CCT4: variants seen among roughly 807,000 people sequenced by gnomAD.
CCT4 encodes chaperonin containing TCP1 subunit 4.
Under a neutral mutation model 62.5 loss-of-function variants are expected in CCT4, and 17 were observed. That is an observed-to-expected ratio of 0.27 (90% CI 0.19 to 0.41). The LOEUF is 0.41. Among genes scored for constraint, CCT4 ranks in the 10% least tolerant of loss-of-function variants. The pLI is 1.00. For missense variants in CCT4, 592 were observed against 659.2 expected, an observed-to-expected ratio of 0.90 and a Z score of 1.12; for synonymous variants, 250 against 229.9, an observed-to-expected ratio of 1.09 and a Z score of -0.79.
chr2:61,872,845 T>A (rs981803114), intron 10 of CCT4, among the ~76,000 whole-genome samples, 157 bp downstream of exon 10: 1 of 152,130 alleles, frequency 6.6e-6, no homozygotes, highest in Admixed American at 6.6e-5. Flanking sequence ...GAGAATGGCA[T>A]GAACCCGGGA....
intron 8 of CCT4, among the ~76,000 whole-genome samples, chr2:61,873,979 C>T (rs1012090145): frequency 2.0e-5 from 3 of 152,176 alleles, no homozygotes; most frequent in African/African-American, 7.2e-5. Context: ...GGATTACAGG[C>T]ATGAGCCACT....
Position 61,877,452 on chromosome 2 carries a change from A to T in CCT4, c.585T>A (p.Ile195=). The T allele has an allele frequency of 6.2e-7, 1 of 1,611,242 alleles. No homozygotes were observed. The highest frequency in any genetic ancestry group is 8.5e-7 in the Non-Finnish European group (1 of 1,177,644). ...PMSVNAVMKV[I]DPATATSVDL... ...CTACACTGGTGGCTGTGGCTGGGTC[A>T]ATCACTTTCATCACTGCATTTACAC... Residue 195 remains isoleucine (I), a synonymous_variant, in exon 6 of 14, where the codon ATT becomes ATA. Coordinates refer to ENST00000394440, the MANE Select transcript of CCT4 (RefSeq NM_006430.4).
chr2:61,879,903 T>A (rs1669077061), intron 4 of CCT4, among the ~76,000 whole-genome samples: 1 of 151,992 alleles, frequency 6.6e-6, no homozygotes, highest in South Asian at 2.1e-4. Context: ...GCTAATTTTT[T>A]GTATTTAGTA....
At chr2:61,885,428 T>G (rs1669228861) in intron 1 of CCT4, among the ~76,000 whole-genome samples, 1 of 152,114 alleles carries the variant, frequency 6.6e-6, no homozygotes, top group East Asian at 1.9e-4. Flanking sequence ...TTATTATTTT[T>G]TGAGACATGG....
chr2:61,878,600 A>G (rs1669048130), intron 5 of CCT4, among the ~76,000 whole-genome samples: 1 of 152,228 alleles, frequency 6.6e-6, no homozygotes, highest in Admixed American at 6.5e-5. Flanking sequence ...TCTTATAGGC[A>G]AATTAAAATA....
intron 13 of CCT4, 124 bp from the exon 14 acceptor site, chr2:61,868,830 A>C: frequency 1.4e-6 from 1 of 733,276 alleles, no homozygotes; most frequent in South Asian, 1.5e-5. Context: ...GATGACTAGC[A>C]AATATTTATC....
chr2:61,883,568 G>C lies in CCT4; in HGVS notation c.181-20C>G. ...TTGAATCTAGAAAAAAAATTTTAAAGTTATATTTCAATGTCACACCTTAAT... is the reference window on the plus strand; with the variant it reads ...TTGAATCTAGAAAAAAAATTTTAAACTTATATTTCAATGTCACACCTTAAT... On this transcript the variant is annotated intron_variant, in intron 2 of 13. Coordinates refer to ENST00000394440, the MANE Select transcript of CCT4 (RefSeq NM_006430.4). The C allele has an allele frequency of 7.8e-7, 1 of 1,276,856 alleles. No homozygotes were observed. Among genetic ancestry groups the C allele is most frequent in the Non-Finnish European group, 1.1e-6 (1 of 896,640 alleles). The allele number at this position is 1,276,856 out of a possible 1,614,324, so 79.1% of individuals were successfully genotyped here.
intron 8 of CCT4, among the ~76,000 whole-genome samples, chr2:61,875,073 C>T (rs574562778): frequency 6.7e-6 from 1 of 148,326 alleles, no homozygotes; most frequent in African/African-American, 2.5e-5. Context: ...ACCCAGGAGG[C>T]GGGGGTTGTG....
At chr2:61,880,231 T>A in intron 4 of CCT4, 55 bp downstream of exon 4, 1 of 777,724 alleles carries the variant, frequency 1.3e-6, no homozygotes, top group Non-Finnish European at 1.8e-6. Flanking sequence ...TGGCTTTTCC[T>A]AAAGTTTGTT....
At chr2:61,874,951 CCTGA>C (rs1195209998) in intron 8 of CCT4, among the ~76,000 whole-genome samples, 3 of 152,010 alleles carry the variant, frequency 2.0e-5, no homozygotes, top group African/African-American at 7.2e-5. Context: ...TCAGGACCAG[CCTGA>C]CTAACAGAGA....
Position 61,875,229 on chromosome 2 carries a change from T to TAA in CCT4, c.917+864_917+865dup, listed in dbSNP as rs200876634. Among the ~76,000 whole-genome samples the TAA allele has an allele frequency of 6.5e-4, 95 of 146,090 alleles. 1 individual carries two copies. The highest frequency in any genetic ancestry group is 2.0e-3 in the African/African-American group (81 of 39,614). On this transcript the variant is annotated intron_variant, in intron 8 of 13. Coordinates refer to ENST00000394440, the MANE Select transcript of CCT4 (RefSeq NM_006430.4). Reference sequence around the variant, plus strand: ...CTGCAAGGAAAAATAATGATACTGCTAAAAAAAAAAATGCAGATTTCTGGT... The same window carrying TAA: ...CTGCAAGGAAAAATAATGATACTGCTAAAAAAAAAAAAATGCAGATTTCTGGT...
chr2:61,884,635 ATTTTT>A (rs565889248), intron 2 of CCT4, among the ~76,000 whole-genome samples: 1 of 142,484 alleles, frequency 7.0e-6, no homozygotes, highest in Admixed American at 7.0e-5. Flanking sequence ...TATTTTATTT[ATTTTT>A]TTTTTGAGAT....
chr2:61,883,291 C>T (rs1283197976), intron 3 of CCT4, among the ~76,000 whole-genome samples, 168 bp downstream of exon 3: 2 of 151,808 alleles, frequency 1.3e-5, no homozygotes, highest in African/African-American at 2.4e-5. Flanking sequence ...CATGGTGGCA[C>T]GAGCCTGTAA....
At chr2:61,871,946 T>C (rs1668892789) in intron 12 of CCT4, 136 bp downstream of exon 12, 1 of 617,550 alleles carries the variant, frequency 1.6e-6, no homozygotes, top group East Asian at 2.8e-5. Context: ...CATAGATTAA[T>C]TAACATGCAG....
Position 61,876,193 on chromosome 2 carries a change from G to A in CCT4, c.819C>T (p.Asp273=), listed in dbSNP as rs1572918771. 1 of 1,610,110 alleles carries A rather than the reference G, an allele frequency of 6.2e-7. No homozygotes were observed. Among genetic ancestry groups the A allele is most frequent in the East Asian group, 2.2e-5 (1 of 44,778 alleles). ...AGGCTCTCTCTTCTCGCAGCACTCG[G>A]TCCATCTGGGCATAGTCAGAAACCA... ...QIVVSDYAQM[D]RVLREERAYI... is the part of the protein sequence containing the mutation. Residue 273 remains aspartate, a synonymous_variant, in exon 8 of 14, where the codon GAC becomes GAT. Coordinates refer to ENST00000394440, the MANE Select transcript of CCT4 (RefSeq NM_006430.4).
chr2:61,885,080 T>C lies in CCT4; in HGVS notation c.128-8A>G. 2.1e-6 allele frequency: 3 copies of C among 1,419,906 alleles called. No individual in the cohort carries two copies. Among genetic ancestry groups the C allele is most frequent in the Non-Finnish European group, 1.9e-6 (2 of 1,080,816 alleles). 88.0% of individuals were successfully genotyped at this position (1,419,906 alleles called of 1,614,324 possible). On this transcript the variant is annotated splice_region_variant and splice_polypyrimidine_tract_variant and intron_variant, in intron 1 of 13. Transcript: ENST00000394440. The stretch of plus-strand genomic sequence containing the variant: ...TAATAGCATCAGCAACCGCTGCAGA[T>C]GGGGGGGAAAAAAAAGAAAACAAAT...
chr2:61,880,477 CACAA>C (rs1453230225), intron 3 of CCT4, 83 bp from the exon 4 acceptor site: 6 of 750,230 alleles, frequency 8.0e-6, no homozygotes, highest in Non-Finnish European at 1.2e-5. Context: ...GCACCAGTGT[CACAA>C]ACAGAATTTG....
intron 8 of CCT4, among the ~76,000 whole-genome samples, chr2:61,874,628 G>A (rs1668958406): frequency 6.6e-6 from 1 of 151,480 alleles, no homozygotes; most frequent in African/African-American, 2.4e-5. Flanking sequence ...AAAAAAAGAA[G>A]GAAAAAAGTG....
At chr2:61,873,594 C>T (rs1320842248) in intron 8 of CCT4, among the ~76,000 whole-genome samples, 4 of 151,964 alleles carry the variant, frequency 2.6e-5, no homozygotes, top group Non-Finnish European at 2.9e-5. Flanking sequence ...GATGGAATTT[C>T]GCTCTTGTTG....
Sources: allele counts gnomAD v4.1 joint callset (sites outside exome capture counted in the v4.1 genomes callset), GRCh38; gene constraint gnomAD v4.1.1; transcripts MANE v1.5; gene names NCBI Gene and HGNC (gene_info 2026-07-23, HGNC 2026-07-21).